DOCK2: variants seen among roughly 807,000 people sequenced by gnomAD.
DOCK2 encodes the protein dedicator of cytokinesis protein 2.
A neutral mutation model predicts 248.9 loss-of-function variants in DOCK2; 87 were observed. The ratio of observed to expected loss-of-function variants is 0.35; its 90% CI spans 0.29 to 0.42. The LOEUF (loss-of-function observed/expected upper bound fraction) is 0.42, where lower values mean the gene tolerates loss of function less well. Ranked by LOEUF, DOCK2 falls within the 10% of genes least tolerant of loss-of-function variation. The pLI, the probability that DOCK2 is intolerant of heterozygous loss-of-function variation, is 1.00. For synonymous variants in DOCK2, 805 were observed against 821.6 expected (o/e 0.98, Z 0.35); for missense variants, 1,747 against 2,300.2 (o/e 0.76, Z 4.92).
intron 32 of DOCK2, among the ~76,000 whole-genome samples, chr5:170,009,642 C>T (rs1388527705): frequency 2.0e-5 from 3 of 152,216 alleles, no homozygotes; most frequent in African/African-American, 7.2e-5. Context: ...CAAGTACTAA[C>T]TTGTGCCCAT....
chr5:170,033,091 C>A (rs1467028151), intron 34 of DOCK2, among the ~76,000 whole-genome samples: 1 of 151,540 alleles, frequency 6.6e-6, no homozygotes, highest in Non-Finnish European at 1.5e-5. Context: ...GGAAATAATT[C>A]TCACTTATCA....
chr5:169,864,244 TG>T, intron 27 of DOCK2: 1 of 1,542,140 alleles, frequency 6.5e-7, no homozygotes, highest in Non-Finnish European at 8.8e-7. Context: ...TGCGTGGAGT[TG>T]GGGGGCTGGG....
intron 1 of DOCK2, among the ~76,000 whole-genome samples, chr5:169,644,692 T>C (rs1757351755): frequency 6.6e-6 from 1 of 151,826 alleles, no homozygotes; most frequent in African/African-American, 2.4e-5. Flanking sequence ...GTTACGTAGG[T>C]ATACATGTGC....
chr5:169,721,657 C>T lies in DOCK2; in HGVS notation c.2267+2866C>T, dbSNP rs147505444. ...TCTTTCCCTGCTTGCATAACTGCAG[C>T]GGATCTAGCTCCCATTATTTGTTCC... On this transcript the variant is annotated intron_variant, in intron 22 of 51. Transcript: ENST00000520908. 7.8e-3 allele frequency among the ~76,000 whole-genome samples: 1,183 copies of T among 152,286 alleles called. 5 individuals carry two copies. The highest frequency in any genetic ancestry group is 0.012 in the Non-Finnish European group (820 of 68,012).
intron 21 of DOCK2, 56 bp from the exon 22 acceptor site, chr5:169,718,601 C>A: frequency 1.3e-6 from 2 of 1,577,216 alleles, no homozygotes; most frequent in East Asian, 2.3e-5. Flanking sequence ...ATTTACTGAG[C>A]AAACTAATTA....
In DOCK2 at chr5:170,038,573, A is replaced by G. The variant is rs114515588; in HGVS notation, c.3665+2018A>G. 2.5e-3 allele frequency among the ~76,000 whole-genome samples: 376 copies of G among 152,342 alleles called. 1 individual carries two copies. The highest frequency in any genetic ancestry group is 8.6e-3 in the African/African-American group (357 of 41,586). On this transcript the variant is annotated intron_variant, in intron 36 of 51. Transcript: ENST00000520908. ...GTCCTATTCTGACGACTGTTAGCCG[A>G]ACCGGGTGGTGGCAGCCATTCTGGA...
chr5:170,038,867 A>C (rs927250490), intron 36 of DOCK2, among the ~76,000 whole-genome samples: 3 of 152,002 alleles, frequency 2.0e-5, no homozygotes, highest in Non-Finnish European at 2.9e-5. Flanking sequence ...GGTTTTTTGA[A>C]CTCAGCCATC....
chr5:169,883,347 G>A, intron 27 of DOCK2: 1 of 1,551,674 alleles, frequency 6.4e-7, no homozygotes, highest in Non-Finnish European at 8.7e-7. Context: ...CCAAGCATAT[G>A]CTAACAGGAC....
chr5:169,930,361 T>A (rs1775688257), intron 27 of DOCK2, among the ~76,000 whole-genome samples: 1 of 152,158 alleles, frequency 6.6e-6, no homozygotes, highest in South Asian at 2.1e-4. Context: ...TGGCTTTAGT[T>A]CTCCTTATGC....
intron 27 of DOCK2, among the ~76,000 whole-genome samples, chr5:169,854,567 T>C (rs1409220666): frequency 6.6e-6 from 1 of 152,234 alleles, no homozygotes; most frequent in Non-Finnish European, 1.5e-5. Context: ...ATTTTAATGA[T>C]AGAGGTGATG....
intron 25 of DOCK2, among the ~76,000 whole-genome samples, chr5:169,766,576 C>T (rs1011922168): frequency 7.9e-5 from 12 of 152,054 alleles, no homozygotes; most frequent in Non-Finnish European, 1.5e-4. Context: ...TGTGGTAGAA[C>T]GATTTATCCT....
chr5:169,667,092 T>G (rs778143104), intron 2 of DOCK2, among the ~76,000 whole-genome samples: 2 of 152,328 alleles, frequency 1.3e-5, no homozygotes, highest in South Asian at 4.1e-4. Context: ...GTTACCTTAA[T>G]GGAGTCCCTG....
intron 22 of DOCK2, among the ~76,000 whole-genome samples, chr5:169,735,657 G>T (rs192735981): frequency 6.6e-6 from 1 of 152,122 alleles, no homozygotes; most frequent in African/African-American, 2.4e-5. Context: ...GCTCAGCACC[G>T]TCATTGGCAC....
intron 1 of DOCK2, among the ~76,000 whole-genome samples, chr5:169,650,084 C>T (rs188620643): frequency 1.3e-4 from 20 of 152,244 alleles, no homozygotes; most frequent in Admixed American, 1.2e-3. Flanking sequence ...AGGCGTGAGC[C>T]GCCGCACCTG....
intron 17 of DOCK2, among the ~76,000 whole-genome samples, chr5:169,713,097 C>G (rs528249175): frequency 6.6e-6 from 1 of 152,356 alleles, no homozygotes; most frequent in Non-Finnish European, 1.5e-5. Context: ...GTACTCTTCT[C>G]TGAGTCTCTC....
intron 30 of DOCK2, chr5:170,000,444 A>C (rs2113802091): frequency 6.6e-6 from 1 of 152,324 alleles, no homozygotes; most frequent in South Asian, 2.1e-4. Context: ...ATTCAACCCC[A>C]GGCCTGTCTG....
intron 27 of DOCK2, among the ~76,000 whole-genome samples, chr5:169,951,613 T>A (rs1776669092): frequency 6.6e-6 from 1 of 152,182 alleles, no homozygotes; most frequent in South Asian, 2.1e-4. Flanking sequence ...TCAATAGAAA[T>A]CAAATGTTTG....
intron 10 of DOCK2, among the ~76,000 whole-genome samples, chr5:169,697,129 A>G (rs1259157401): frequency 2.0e-5 from 3 of 152,164 alleles, no homozygotes; most frequent in African/African-American, 7.2e-5. Context: ...AAACTGGTAG[A>G]AGAAGGAAAA....
chr5:169,847,696 T>G (rs1470219738), intron 27 of DOCK2, among the ~76,000 whole-genome samples: 1 of 152,176 alleles, frequency 6.6e-6, no homozygotes, highest in Non-Finnish European at 1.5e-5. Flanking sequence ...CTAAAATAGA[T>G]TTTGCTCAAG....
Sources: allele counts gnomAD v4.1 joint callset (sites outside exome capture counted in the v4.1 genomes callset), GRCh38; gene constraint gnomAD v4.1.1; transcripts MANE v1.5; gene names NCBI Gene and HGNC (gene_info 2026-07-23, HGNC 2026-07-21).